Variants in PIK3C2G observed in about 807,000 individuals in gnomAD.
The protein encoded by PIK3C2G is phosphatidylinositol 3-kinase C2 domain-containing subunit gamma.
PIK3C2G carries 168 observed loss-of-function variants against 181.1 expected under a neutral mutation model. That is an observed-to-expected ratio of 0.93 (90% CI 0.82 to 1.05). The LOEUF (loss-of-function observed/expected upper bound fraction) is 1.05, where lower values mean the gene tolerates loss of function less well. PIK3C2G is among the 50% of genes least tolerant of loss of function. The probability of loss-of-function intolerance (pLI) is 0.00; values close to 1 mark genes in which losing one functional copy is unlikely to be tolerated. For synonymous variants in PIK3C2G, 573 were observed against 592.2 expected, an observed-to-expected ratio of 0.97 and a Z score of 0.47; for missense variants, 1,869 against 1,732.8, an observed-to-expected ratio of 1.08 and a Z score of -1.40.
intron 1 of PIK3C2G, among the ~76,000 whole-genome samples, chr12:18,251,943 C>G (rs1948099293): frequency 6.6e-6 from 1 of 152,168 alleles, no homozygotes; most frequent in Admixed American, 6.5e-5. Flanking sequence ...ATAGACTCTA[C>G]TCAAGTATTT....
At chr12:18,500,594 G>A (rs1490926059) in intron 22 of PIK3C2G, among the ~76,000 whole-genome samples, 1 of 152,188 alleles carries the variant, frequency 6.6e-6, no homozygotes, top group Non-Finnish European at 1.5e-5. Context: ...ACTGGGTGAC[G>A]CCAGCTGGGC....
intron 18 of PIK3C2G, among the ~76,000 whole-genome samples, chr12:18,425,672 G>T (rs1039131488): frequency 4.6e-5 from 7 of 152,078 alleles, no homozygotes; most frequent in Non-Finnish European, 7.4e-5. Flanking sequence ...TTACAGGTGT[G>T]AGACACCAAG....
intron 18 of PIK3C2G, among the ~76,000 whole-genome samples, chr12:18,449,813 T>C (rs548331822): frequency 1.3e-5 from 2 of 151,972 alleles, no homozygotes; most frequent in East Asian, 1.9e-4. Flanking sequence ...TTTGGGTATA[T>C]ACCCACTAAT....
At chr12:18,308,461 C>A (rs1490197614) in intron 5 of PIK3C2G, among the ~76,000 whole-genome samples, 6 of 149,958 alleles carry the variant, frequency 4.0e-5, no homozygotes, top group Non-Finnish European at 8.9e-5. Flanking sequence ...GAATATAGAT[C>A]AATGGTTAAC....
intron 10 of PIK3C2G, among the ~76,000 whole-genome samples, chr12:18,346,072 AG>A (rs1360132895): frequency 6.6e-6 from 1 of 152,154 alleles, no homozygotes; most frequent in Admixed American, 6.6e-5. Context: ...AACTCAAGAA[AG>A]TCTTTGATTT....
At chr12:18,608,513 C>T (rs1948170000) in intron 30 of PIK3C2G, among the ~76,000 whole-genome samples, 1 of 134,896 alleles carries the variant, frequency 7.4e-6, no homozygotes, top group Non-Finnish European at 1.5e-5. Context: ...ACAATGAGAA[C>T]ACATGGACAC....
At chr12:18,693,072 G>A in the PIK3C2G span, 303 of 1,493,000 alleles carry the variant, frequency 2.0e-4, no homozygotes, top group Admixed American at 1.2e-4. Flanking sequence ...AAGATCAAAA[G>A]TGGATGATCT....
chr12:18,393,949 C>A (rs1235725723), intron 15 of PIK3C2G, among the ~76,000 whole-genome samples: 1 of 152,082 alleles, frequency 6.6e-6, no homozygotes, highest in Non-Finnish European at 1.5e-5. Context: ...AGGATGAGAG[C>A]TACAGAAATC....
chr12:18,719,390 A>G, the PIK3C2G span: 2 of 1,215,160 alleles, frequency 1.6e-6, no homozygotes, highest in Non-Finnish European at 1.1e-6. Flanking sequence ...GGAACTTCCA[A>G]GTATTTTTAA....
the PIK3C2G span, among the ~76,000 whole-genome samples, chr12:18,705,931 T>C: frequency 0.014 from 2,016 of 145,200 alleles, 61 homozygotes; most frequent in African/African-American, 0.05. Context: ...TATAGACCAA[T>C]TAAGAAGAAG....
At chr12:18,293,778 C>T in intron 4 of PIK3C2G, 123 bp from the exon 5 acceptor site, 2 of 627,268 alleles carry the variant, frequency 3.2e-6, no homozygotes, top group East Asian at 5.7e-5. Context: ...TTTAATTCCC[C>T]TTGATGAAGC....
At chr12:18,421,684 C>G (rs1425937418) in intron 17 of PIK3C2G, among the ~76,000 whole-genome samples, 1 of 151,502 alleles carries the variant, frequency 6.6e-6, no homozygotes. Flanking sequence ...TTTGTTTTTT[C>G]CAGGATGACT....
the PIK3C2G span, among the ~76,000 whole-genome samples, chr12:18,710,317 T>A: frequency 6.6e-6 from 1 of 151,412 alleles, no homozygotes; most frequent in Non-Finnish European, 1.5e-5. Context: ...GCCATGCAAA[T>A]ATTTGGGAAG....
At chr12:18,350,786 CA>C (rs1225382491) in intron 11 of PIK3C2G, among the ~76,000 whole-genome samples, 2 of 152,140 alleles carry the variant, frequency 1.3e-5, no homozygotes, top group African/African-American at 4.8e-5. Flanking sequence ...AAAGTCCTGA[CA>C]TGGTATTGAA....
chr12:18,432,940 T>A (rs1351317002), intron 18 of PIK3C2G, among the ~76,000 whole-genome samples: 1 of 152,194 alleles, frequency 6.6e-6, no homozygotes, highest in Non-Finnish European at 1.5e-5. Context: ...ATGTTTGTTT[T>A]TTCTATCAAT....
At chr12:18,309,417 C>T (rs1482502429) in intron 5 of PIK3C2G, among the ~76,000 whole-genome samples, 1 of 91,294 alleles carries the variant, frequency 1.1e-5, no homozygotes, top group East Asian at 3.2e-4. Flanking sequence ...TTACAAAATC[C>T]TTATTTCTGA....
chr12:18,277,600 C>T (rs559540769), intron 1 of PIK3C2G, among the ~76,000 whole-genome samples: 1 of 152,272 alleles, frequency 6.6e-6, no homozygotes, highest in East Asian at 1.9e-4. Flanking sequence ...TTCTTCCACA[C>T]TCCTCTCATC....
chr12:18,459,514 C>T (rs1947806453), intron 18 of PIK3C2G, among the ~76,000 whole-genome samples: 1 of 152,066 alleles, frequency 6.6e-6, no homozygotes, highest in African/African-American at 2.4e-5. Flanking sequence ...TACATCAATC[C>T]CTGTGAATGT....
Position 18,488,558 on chromosome 12 carries a change from G to T in PIK3C2G, c.2614G>T (p.Glu872Ter). 2 of 1,582,450 alleles carry T rather than the reference G, an allele frequency of 1.3e-6. No homozygotes were observed. Reference sequence around the variant, plus strand: ...AGCCTTGAATGATGAGTTTTCCAAGGAGCAGAAACTTATCAAAATTCTGGG... The same window carrying T: ...AGCCTTGAATGATGAGTTTTCCAAGTAGCAGAAACTTATCAAAATTCTGGG... ...GKALNDEFSK[E>*]QKLIKILGDI... Residue 872 changes from glutamate (E) to a stop codon, truncating the protein, a stop_gained, in exon 19 of 33, where the codon GAG becomes TAG. Transcript: ENST00000538779. LOFTEE classifies it high-confidence loss of function.
Sources: allele counts gnomAD v4.1 joint callset (sites outside exome capture counted in the v4.1 genomes callset), GRCh38; gene constraint gnomAD v4.1.1; transcripts MANE v1.5; gene names NCBI Gene and HGNC (gene_info 2026-07-23, HGNC 2026-07-21).